Variants in ANO6 observed in about 807,000 individuals in gnomAD.
ANO6 encodes the protein anoctamin 6, also known as anoctamin-6.
ANO6 carries 106 observed loss-of-function variants against 117.5 expected under a neutral mutation model. The observed-to-expected ratio is 0.90, with a 90% confidence interval of 0.77 to 1.06. ANO6 has a LOEUF of 1.06. Among genes scored for constraint, ANO6 ranks in the 50% least tolerant of loss-of-function variants. The pLI, the probability that ANO6 is intolerant of heterozygous loss-of-function variation, is 0.00. For synonymous variants in ANO6, 367 were observed against 385.1 expected (o/e 0.95, Z 0.55); for missense variants, 955 against 1,121.1 (o/e 0.85, Z 2.12).
At chr12:45,320,243 C>G (rs1275342516) in intron 2 of ANO6, among the ~76,000 whole-genome samples, 1 of 151,962 alleles carries the variant, frequency 6.6e-6, no homozygotes, top group African/African-American at 2.4e-5. Flanking sequence ...CCTGCTTTCT[C>G]TTGTGGGCAT....
At chr12:45,255,127 A>C (rs932482765) in intron 1 of ANO6, among the ~76,000 whole-genome samples, 3 of 152,220 alleles carry the variant, frequency 2.0e-5, no homozygotes, top group African/African-American at 7.2e-5. Context: ...ATTTTGTAGC[A>C]TCTTGTTATC....
intron 5 of ANO6, 36 bp from the exon 6 acceptor site, chr12:45,348,482 A>G: frequency 1.3e-6 from 2 of 1,558,698 alleles, no homozygotes; most frequent in South Asian, 1.1e-5. Context: ...TAATTACACT[A>G]TATAAACCGC....
downstream of ANO6, among the ~76,000 whole-genome samples, chr12:45,436,522 G>A (rs541441864): frequency 6.6e-5 from 10 of 152,300 alleles, no homozygotes; most frequent in East Asian, 1.7e-3. Flanking sequence ...GATTCAGGGT[G>A]TATAAGAAAC....
intron 9 of ANO6, among the ~76,000 whole-genome samples, chr12:45,368,967 C>T (rs937758428): frequency 4.6e-5 from 7 of 152,268 alleles, no homozygotes; most frequent in African/African-American, 9.6e-5. Context: ...CAAAGTCACC[C>T]GCCTAGTAAC....
At chr12:45,307,980 A>G (rs1453227483) in intron 2 of ANO6, among the ~76,000 whole-genome samples, 1 of 150,920 alleles carries the variant, frequency 6.6e-6, no homozygotes, top group African/African-American at 2.4e-5. Context: ...AACAGAATGG[A>G]AGAAGAGGAA....
At chr12:45,405,459 C>T (rs1026418771) in intron 15 of ANO6, among the ~76,000 whole-genome samples, 1 of 152,150 alleles carries the variant, frequency 6.6e-6, no homozygotes, top group Non-Finnish European at 1.5e-5. Flanking sequence ...TTGAAAATTA[C>T]AGTGATATGA....
At chr12:45,244,242 T>C (rs1280163219) in intron 1 of ANO6, among the ~76,000 whole-genome samples, 5 of 152,144 alleles carry the variant, frequency 3.3e-5, no homozygotes, top group Admixed American at 6.5e-5. Context: ...GGAATCAGGC[T>C]TTTTATAGGA....
intron 3 of ANO6, among the ~76,000 whole-genome samples, chr12:45,345,036 C>A (rs1199120899): frequency 6.6e-6 from 1 of 152,072 alleles, no homozygotes; most frequent in African/African-American, 2.4e-5. Context: ...CATTTCTAGG[C>A]CATTTGCTTG....
chr12:45,291,597 T>C (rs1049601042), intron 1 of ANO6, among the ~76,000 whole-genome samples: 2 of 152,110 alleles, frequency 1.3e-5, no homozygotes, highest in Non-Finnish European at 2.9e-5. Context: ...AAATAACTCC[T>C]GAACACAGCA....
chr12:45,298,247 T>C (rs1041198058), intron 1 of ANO6, among the ~76,000 whole-genome samples: 3 of 152,220 alleles, frequency 2.0e-5, no homozygotes, highest in African/African-American at 7.2e-5. Context: ...GATAGTACTT[T>C]TGCTGTATAA....
chr12:45,220,740 G>C (rs1947383733), intron 1 of ANO6, among the ~76,000 whole-genome samples: 2 of 152,190 alleles, frequency 1.3e-5, no homozygotes, highest in African/African-American at 4.8e-5. Context: ...TTGACAGATG[G>C]CTGGCAGCCC....
intron 8 of ANO6, among the ~76,000 whole-genome samples, chr12:45,361,202 C>T (rs927551619): frequency 2.6e-5 from 4 of 152,010 alleles, no homozygotes; most frequent in South Asian, 2.1e-4. Context: ...TTATTTAGGT[C>T]TTTCATTTCT....
At chr12:45,439,532 G>T in intron 19 of ANO6, 2 of 652,878 alleles carry the variant, frequency 3.1e-6, no homozygotes, top group Non-Finnish European at 2.3e-6. Context: ...CTGGACATGA[G>T]GGCATTTGAA....
chr12:45,368,372 C>T (rs932548167), intron 9 of ANO6, among the ~76,000 whole-genome samples: 1 of 152,206 alleles, frequency 6.6e-6, no homozygotes, highest in African/African-American at 2.4e-5. Flanking sequence ...TGTTTTCCCC[C>T]TTTCAACATA....
chr12:45,220,652 C>A (rs970579934), intron 1 of ANO6, among the ~76,000 whole-genome samples: 7 of 152,210 alleles, frequency 4.6e-5, no homozygotes, highest in Non-Finnish European at 7.3e-5. Flanking sequence ...ATAAGGCATT[C>A]TTCCAGTTTC....
At chr12:45,258,231 G>A (rs965344150) in intron 1 of ANO6, among the ~76,000 whole-genome samples, 1 of 152,152 alleles carries the variant, frequency 6.6e-6, no homozygotes. Flanking sequence ...AGTGTATTCA[G>A]TATAGTGCCT....
chr12:45,386,822 G>A (rs1274620469), intron 10 of ANO6, among the ~76,000 whole-genome samples: 4 of 152,198 alleles, frequency 2.6e-5, no homozygotes, highest in African/African-American at 9.7e-5. Context: ...CTGGGGGTAG[G>A]TGGCCTTAGT....
intron 16 of ANO6, among the ~76,000 whole-genome samples, chr12:45,410,701 A>G (rs1311992221): frequency 6.6e-6 from 1 of 152,350 alleles, no homozygotes; most frequent in East Asian, 1.9e-4. Flanking sequence ...GCATTTATGC[A>G]CAGGGCTTTG....
At chr12:45,434,739 A>G (rs750556991), downstream of ANO6, among the ~76,000 whole-genome samples, 21 of 152,196 alleles carry the variant, frequency 1.4e-4, no homozygotes, top group Non-Finnish European at 2.8e-4. Context: ...ATTCCATTTC[A>G]ATTGCTCCCT....
Sources: gnomAD v4.1 joint callset for allele counts (sites outside exome capture counted in the v4.1 genomes callset) on GRCh38, gnomAD v4.1.1 for gene constraint, MANE v1.5 for transcripts, NCBI Gene and HGNC (gene_info 2026-07-23, HGNC 2026-07-21) for gene names.